Variants in GAL3ST1 observed in about 807,000 individuals in gnomAD.
GAL3ST1 encodes the protein galactosylceramide sulfotransferase.
In GAL3ST1, 13 loss-of-function variants were observed where a neutral mutation model predicts 25.0. The observed-to-expected ratio is 0.52, with a 90% CI of 0.34 to 0.83. The LOEUF is 0.83. GAL3ST1 is among the 40% of genes least tolerant of loss of function. The pLI is 0.02. For missense variants in GAL3ST1, 474 were observed against 613.6 expected (o/e 0.77, Z 2.40); for synonymous variants, 274 against 277.8 (o/e 0.99, Z 0.14).
chr22:30,561,044 A>C (rs1041816080), intron 1 of GAL3ST1, among the ~76,000 whole-genome samples: 4 of 152,148 alleles, frequency 2.6e-5, no homozygotes, highest in Non-Finnish European at 5.9e-5. Flanking sequence ...TCCTGGGTTC[A>C]AGTGATTCTC....
Position 30,554,964 on chromosome 22 carries a change from G to C in GAL3ST1, c.1261C>G (p.Leu421Val). ...TGGGCGGTGGGACGTCACCACCGCA[G>C]GAAATCGCGAATGAACTTCCAGAGC... ...TKLWKFIRDF[L>V]RW is the part of the protein sequence containing the mutation. The change falls in exon 4 of 4, where the codon CTG becomes GTG. Residue 421 changes from leucine to valine, a missense_variant. Leu to Val is a conservative substitution (Grantham distance 32). Transcript: ENST00000406361. 6.3e-7 allele frequency: 1 copy of C among 1,575,564 alleles called. No individual in the cohort carries two copies. Among genetic ancestry groups the C allele is most frequent in the South Asian group, 1.1e-5 (1 of 87,292 alleles).
intron 1 of GAL3ST1, chr22:30,565,243 G>A (rs929182859): frequency 6.6e-6 from 1 of 152,320 alleles, no homozygotes; most frequent in Admixed American, 6.5e-5. Flanking sequence ...TGGGGTGCCA[G>A]AGGGCTAATT....
At position 30,555,195 on chromosome 22, in the gene GAL3ST1, T is replaced by C. The variant is rs143517815; in HGVS notation, c.1030A>G (p.Ile344Val). 323 of 1,599,598 alleles carry C rather than the reference T, an allele frequency of 2.0e-4. 1 individual carries two copies. The African/African-American group carries it at 3.4e-3, about 17-fold the overall frequency. The change falls in exon 4 of 4, where the codon ATC becomes GTC. Residue 344 changes from isoleucine (I) to valine (V), a missense_variant. Ile to Val is a conservative substitution (Grantham distance 29). This residue lies in a region of GAL3ST1 where 359 missense variants were observed against 504.4 expected (regional missense o/e 0.71). Coordinates refer to ENST00000406361, the MANE Select transcript of GAL3ST1 (RefSeq NM_001318104.2). The surrounding 1 kb of genome is among the most constrained non-coding windows in gnomAD (Gnocchi z 8.6). ...ACGGCGTGGCCCCCGTCGATGCAGATGGTCCGCATGCGCTCGTTGGCATGG... is the reference window on the plus strand; with the variant it reads ...ACGGCGTGGCCCCCGTCGATGCAGACGGTCCGCATGCGCTCGTTGGCATGG... ...LRHANERMRTICIDGGHAVDA... is the reference protein window; with the variant it reads ...LRHANERMRTVCIDGGHAVDA...
rs369237221 is a variant in GAL3ST1 at position 30,555,062 on chromosome 22, T to G, written c.1163A>C (p.Gln388Pro). The G allele has an allele frequency of 5.6e-6, 9 of 1,612,356 alleles. No homozygotes were observed. Among genetic ancestry groups the G allele is most frequent in the Non-Finnish European group, 7.6e-6 (9 of 1,179,468 alleles). ...LKKSIGQRHAQLCRRMLTPEI... is the reference protein window; with the variant it reads ...LKKSIGQRHAPLCRRMLTPEI... ...GGGCGTGAGCATGCGCCGGCAGAGC[T>G]GCGCGTGCCGCTGCCCGATGCTCTT... Residue 388 changes from glutamine (Q) to proline (P), a missense_variant, in exon 4 of 4, where the codon CAG becomes CCG. Transcript: ENST00000406361. This position sits in a 1 kb window ranked among gnomAD's most constrained non-coding sequence, Gnocchi z 8.6.
intron 1 of GAL3ST1, among the ~76,000 whole-genome samples, chr22:30,561,185 C>T (rs1349070494): frequency 1.3e-5 from 2 of 152,220 alleles, no homozygotes; most frequent in Non-Finnish European, 2.9e-5. Flanking sequence ...TTCAAGCGAT[C>T]CACCCGCCTT....
chr22:30,556,479 T>G (rs1395446002), intron 3 of GAL3ST1, among the ~76,000 whole-genome samples: 1 of 152,134 alleles, frequency 6.6e-6, no homozygotes, highest in Non-Finnish European at 1.5e-5. Flanking sequence ...CAAGTTAATA[T>G]CACCAACCAC....
chr22:30,559,386 A>C (rs750110102), intron 1 of GAL3ST1, among the ~76,000 whole-genome samples: 2 of 151,866 alleles, frequency 1.3e-5, no homozygotes. Flanking sequence ...GATTACAGGC[A>C]CACGCCACCA....
chr22:30,569,706 C>T (rs1012161039), intron 1 of GAL3ST1, among the ~76,000 whole-genome samples: 4 of 152,064 alleles, frequency 2.6e-5, no homozygotes, highest in East Asian at 1.9e-4. Context: ...CCTGTGCTTA[C>T]GGAGCAGGGT....
At chr22:30,565,739 C>G (rs949917384) in intron 1 of GAL3ST1, among the ~76,000 whole-genome samples, 1 of 152,176 alleles carries the variant, frequency 6.6e-6, no homozygotes, top group East Asian at 1.9e-4. Context: ...TCTAGGTGCC[C>G]TGGCCCTAAG....
At position 30,555,060 on chromosome 22, in the gene GAL3ST1, G is replaced by C; in HGVS notation, c.1165C>G (p.Leu389Val). Reference sequence around the variant, plus strand: ...TCGGGCGTGAGCATGCGCCGGCAGAGCTGCGCGTGCCGCTGCCCGATGCTC... The same window carrying C: ...TCGGGCGTGAGCATGCGCCGGCAGACCTGCGCGTGCCGCTGCCCGATGCTC... The part of the protein sequence containing the change: ...KKSIGQRHAQ[L>V]CRRMLTPEIQ... The change falls in exon 4 of 4, where the codon CTC becomes GTC. Residue 389 changes from leucine to valine, a missense_variant. Physicochemically the swap from Leu to Val is conservative, Grantham distance 32. Around this residue, in one of 2 missense-constraint regions of GAL3ST1, gnomAD observed 359 missense variants for 504.4 expected, o/e 0.71. Transcript: ENST00000406361. This position sits in a 1 kb window ranked among gnomAD's most constrained non-coding sequence, Gnocchi z 8.6. The C allele has an allele frequency of 6.2e-7, 1 of 1,612,442 alleles. No individual in the cohort carries two copies. The highest frequency in any genetic ancestry group is 8.5e-7 in the Non-Finnish European group (1 of 1,179,414).
At chr22:30,557,209 G>C (rs1246558547) in intron 3 of GAL3ST1, 53 bp downstream of exon 3, 3 of 1,597,612 alleles carry the variant, frequency 1.9e-6, no homozygotes, top group Non-Finnish European at 2.6e-6. Flanking sequence ...CCATGGGTGG[G>C]GTGCCATCCC....
intron 1 of GAL3ST1, chr22:30,560,255 A>G (rs980159936): frequency 1.1e-4 from 17 of 152,206 alleles, no homozygotes; most frequent in African/African-American, 4.1e-4. Flanking sequence ...CCCGGCAGCC[A>G]TGGAGGGGCC....
chr22:30,559,475 G>C (rs1474096004), intron 1 of GAL3ST1, among the ~76,000 whole-genome samples: 1 of 152,150 alleles, frequency 6.6e-6, no homozygotes, highest in African/African-American at 2.4e-5. Context: ...TCCTGACCTT[G>C]TGATCTGCCC....
At chr22:30,570,329 G>T (rs549365330) in intron 1 of GAL3ST1, among the ~76,000 whole-genome samples, 6 of 152,306 alleles carry the variant, frequency 3.9e-5, no homozygotes, top group Non-Finnish European at 8.8e-5. Flanking sequence ...AGTTCTGAGT[G>T]TGCCTGTTCT....
Position 30,574,644 on chromosome 22 carries a change from G to A in GAL3ST1, c.-298C>T, listed in dbSNP as rs1298497343. The A allele has an allele frequency of 1.4e-5, 2 of 143,826 alleles. No homozygotes were observed. Among genetic ancestry groups the A allele is most frequent in the Admixed American group, 6.9e-5 (1 of 14,514 alleles). 8.9% of individuals were successfully genotyped at this position (143,826 alleles called of 1,614,324 possible). ...CCGCTCCCGCGCCGCGCCCGCTCCCGGCCAGGTGCCGCCGCCAGCCTGGCC... is the reference window on the plus strand; with the variant it reads ...CCGCTCCCGCGCCGCGCCCGCTCCCAGCCAGGTGCCGCCGCCAGCCTGGCC... On this transcript the variant is annotated 5_prime_UTR_variant, in exon 1 of 4. Transcript: ENST00000406361.
intron 3 of GAL3ST1, 115 bp downstream of exon 3, chr22:30,557,147 C>T: frequency 9.7e-7 from 1 of 1,031,296 alleles, no homozygotes; most frequent in Non-Finnish European, 1.5e-6. Flanking sequence ...GTGCAGGGTG[C>T]AGGGTGGCTA....
At chr22:30,573,833 G>T (rs1359936421) in intron 1 of GAL3ST1, among the ~76,000 whole-genome samples, 1 of 152,168 alleles carries the variant, frequency 6.6e-6, no homozygotes. Context: ...GCACCGAAGG[G>T]GCAGATCAAG....
At chr22:30,571,687 TC>T (rs2086790193) in intron 1 of GAL3ST1, among the ~76,000 whole-genome samples, 2 of 151,910 alleles carry the variant, frequency 1.3e-5, no homozygotes, top group African/African-American at 4.8e-5. Context: ...CACAGTGAAA[TC>T]CCGTCTCTAC....
intron 1 of GAL3ST1, among the ~76,000 whole-genome samples, chr22:30,563,566 T>C (rs2086517235): frequency 1.3e-5 from 2 of 151,592 alleles, no homozygotes; most frequent in Non-Finnish European, 2.9e-5. Flanking sequence ...CAGTGAGCCA[T>C]GATCGTGCCA....
Sources: gnomAD v4.1 joint callset for allele counts (sites outside exome capture counted in the v4.1 genomes callset) on GRCh38, gnomAD v4.1.1 for gene constraint, gnomAD v4.1.1 regional missense constraint, Gnocchi (gnomAD v3.1) non-coding constraint, MANE v1.5 for transcripts, NCBI Gene and HGNC (gene_info 2026-07-23, HGNC 2026-07-21) for gene names.